Variants in PSMD3 observed in about 807,000 individuals in gnomAD.
PSMD3 encodes proteasome 26S subunit, non-ATPase 3.
In PSMD3, 5 loss-of-function variants were observed where a neutral mutation model predicts 62.8. That is an observed-to-expected ratio of 0.08 (90% CI 0.04 to 0.17). The LOEUF is 0.17. PSMD3 is among the 10% of genes least tolerant of loss of function. The pLI is 1.00. For missense variants in PSMD3, 524 were observed against 713.6 expected (o/e 0.73, Z 3.03); for synonymous variants, 265 against 283.9 (o/e 0.93, Z 0.67).
chr17:39,983,987 C>T (rs1488732293), intron 1 of PSMD3, among the ~76,000 whole-genome samples: 4 of 151,932 alleles, frequency 2.6e-5, no homozygotes, highest in Non-Finnish European at 5.9e-5. Flanking sequence ...ATCACGAGGT[C>T]AGGAGATCGA....
chr17:39,995,952 C>G lies in PSMD3; in HGVS notation c.1321-231C>G, dbSNP rs1980772462. The G allele has an allele frequency of 1.8e-6, 1 of 543,950 alleles. No individual in the cohort carries two copies. Among genetic ancestry groups the G allele is most frequent in the Non-Finnish European group, 3.2e-6 (1 of 308,106 alleles). The allele number at this position is 543,950 out of a possible 1,614,324, so 33.7% of individuals were successfully genotyped here. Reference sequence around the variant, plus strand: ...TGGCCAACTTGGCGAAACCCCATCTCTACTGAAAATACAAAAATTAGCCAG... The same window carrying G: ...TGGCCAACTTGGCGAAACCCCATCTGTACTGAAAATACAAAAATTAGCCAG... On this transcript the variant is annotated intron_variant, in intron 9 of 11. Transcript: ENST00000264639. This position sits in a 1 kb window ranked among gnomAD's most constrained non-coding sequence, Gnocchi z 4.1.
At chr17:39,986,879 C>T (rs1355411523) in intron 3 of PSMD3, among the ~76,000 whole-genome samples, 167 bp downstream of exon 3, 4 of 152,148 alleles carry the variant, frequency 2.6e-5, no homozygotes, top group Admixed American at 2.6e-4. Context: ...CCCAGGAGAA[C>T]CCACTCTTGC....
In PSMD3 at chr17:39,986,694, C is replaced by T. The variant is rs770573802; in HGVS notation, c.531C>T (p.Asn177=). 8 of 1,614,042 alleles carry T rather than the reference C, an allele frequency of 5.0e-6. No homozygotes were observed. Among genetic ancestry groups the T allele is most frequent in the Non-Finnish European group, 5.9e-6 (7 of 1,180,036 alleles). ...TCCTCGTGGTCATCTTCATGATGAA[C>T]AGCAAGCGCTACAAAGAGGTATCCA... The part of the protein sequence containing the change: ...LQLLVVIFMM[N]SKRYKEAQKI... Residue 177 remains asparagine (N), a synonymous_variant, in exon 3 of 12, where the codon AAC becomes AAT. Transcript: ENST00000264639.
chr17:39,991,052 C>T (rs994364204), intron 6 of PSMD3, among the ~76,000 whole-genome samples: 2 of 151,844 alleles, frequency 1.3e-5, no homozygotes, highest in African/African-American at 4.9e-5. Flanking sequence ...GATCTTTTCT[C>T]ACTGCAACCT....
intron 3 of PSMD3, among the ~76,000 whole-genome samples, chr17:39,987,449 T>C (rs1160193671): frequency 1.3e-5 from 2 of 152,206 alleles, no homozygotes; most frequent in Non-Finnish European, 2.9e-5. Flanking sequence ...CCGGCTTAAG[T>C]GATCCTTCCA....
At chr17:39,994,444 TC>T (rs1239829886) in intron 6 of PSMD3, 1 of 166,512 alleles carries the variant, frequency 6.0e-6, no homozygotes, top group East Asian at 1.6e-4. Flanking sequence ...CCCTTCTATG[TC>T]TGGATACTCT....
In PSMD3 at chr17:39,995,155, C is replaced by G. The variant is rs758337354; in HGVS notation, c.1097-21C>G. On this transcript the variant is annotated intron_variant, in intron 7 of 11. Transcript: ENST00000264639. This position sits in a 1 kb window ranked among gnomAD's most constrained non-coding sequence, Gnocchi z 4.1. ...CCTGTGCCTATTTGCATCATCCAAT[C>G]TACTCCTGTTCTGCCTGCAGCTGTC... The G allele has an allele frequency of 6.2e-7, 1 of 1,614,096 alleles. No individual in the cohort carries two copies. Among genetic ancestry groups the G allele is most frequent in the Non-Finnish European group, 8.5e-7 (1 of 1,180,010 alleles).
intron 6 of PSMD3, 61 bp from the exon 7 acceptor site, chr17:39,994,893 C>A: frequency 6.9e-7 from 1 of 1,452,624 alleles, no homozygotes; most frequent in Non-Finnish European, 9.6e-7. Flanking sequence ...GGCCACATTT[C>A]ATTTTCTTCT....
intron 4 of PSMD3, among the ~76,000 whole-genome samples, chr17:39,989,398 A>G (rs1179788787): frequency 6.6e-6 from 1 of 152,100 alleles, no homozygotes; most frequent in Admixed American, 6.5e-5. Context: ...TGGCCAAGCT[A>G]TTGAAAAGTT....
chr17:39,994,720 C>T (rs574311380), intron 6 of PSMD3: 28 of 549,536 alleles, frequency 5.1e-5, no homozygotes, highest in Admixed American at 3.1e-4. Context: ...ATGCAGCTGA[C>T]GGCTCTGCGA....
chr17:39,986,257 G>C (rs1980521624), intron 2 of PSMD3, among the ~76,000 whole-genome samples: 1 of 152,018 alleles, frequency 6.6e-6, no homozygotes, highest in Non-Finnish European at 1.5e-5. Context: ...CACCATGCCT[G>C]GCTAGTTCTT....
chr17:39,997,205 T>A, intron 10 of PSMD3, 125 bp from the exon 11 acceptor site: 1 of 851,510 alleles, frequency 1.2e-6, no homozygotes. Context: ...CTAGACTAAC[T>A]GGAGAGGGGC....
chr17:39,995,610 A>G lies in PSMD3; in HGVS notation c.1320+83A>G. The stretch of plus-strand genomic sequence containing the variant: ...AGGCAGGAGTGGGAGGAGTTTGGCC[A>G]AGGAGGGGAATAGGTAAAGCAATGG... On this transcript the variant is annotated intron_variant, in intron 9 of 11. Coordinates refer to ENST00000264639, the MANE Select transcript of PSMD3 (RefSeq NM_002809.4). This position sits in a 1 kb window ranked among gnomAD's most constrained non-coding sequence, Gnocchi z 4.1. 2 of 1,347,852 alleles carry G rather than the reference A, an allele frequency of 1.5e-6. No individual in the cohort carries two copies. The highest frequency in any genetic ancestry group is 2.1e-6 in the Non-Finnish European group (2 of 945,848). 83.5% of individuals were successfully genotyped at this position (1,347,852 alleles called of 1,614,324 possible). A position where few individuals can be genotyped will look rare whatever the true frequency, so the allele number is the denominator to read the frequency against.
rs769004943 is a variant in PSMD3 at position 39,995,104 on chromosome 17, C to A, written c.1096+36C>A. The A allele has an allele frequency of 1.9e-6, 3 of 1,613,824 alleles. No homozygotes were observed. The highest frequency in any genetic ancestry group is 2.5e-6 in the Non-Finnish European group (3 of 1,179,786). On this transcript the variant is annotated intron_variant, in intron 7 of 11. Coordinates refer to ENST00000264639, the MANE Select transcript of PSMD3 (RefSeq NM_002809.4). This position sits in a 1 kb window ranked among gnomAD's most constrained non-coding sequence, Gnocchi z 4.1. ...CTTCCCCACCCCAGAGCCCACTAGG[C>A]CCCCTTCAGTGGGGCCTCTTACATG... is the stretch of plus-strand genomic sequence containing the variant.
chr17:39,992,448 G>GATTC (rs1042473304), intron 6 of PSMD3, among the ~76,000 whole-genome samples: 76 of 152,302 alleles, frequency 5.0e-4, no homozygotes, highest in African/African-American at 1.8e-3. Flanking sequence ...TGAAGCTGTA[G>GATTC]ATTCCGATTC....
intron 6 of PSMD3, chr17:39,994,378 C>A (rs189498376): frequency 3.9e-4 from 61 of 154,688 alleles, no homozygotes; most frequent in Non-Finnish European, 6.8e-4. Flanking sequence ...ACGGTCAGCA[C>A]CACTCGGAAA....
chr17:39,990,767 G>A (rs1010273030), intron 6 of PSMD3, among the ~76,000 whole-genome samples: 2 of 152,124 alleles, frequency 1.3e-5, no homozygotes, highest in African/African-American at 4.8e-5. Context: ...ACAAACCCCA[G>A]GTTTTTATCT....
At chr17:39,986,132 G>A (rs1004706361) in intron 2 of PSMD3, among the ~76,000 whole-genome samples, 1 of 152,178 alleles carries the variant, frequency 6.6e-6, no homozygotes, top group Non-Finnish European at 1.5e-5. Context: ...GTCTTGCTCT[G>A]TCACCCAGGC....
intron 2 of PSMD3, 58 bp downstream of exon 2, chr17:39,984,542 G>A: frequency 6.8e-7 from 1 of 1,469,276 alleles, no homozygotes; most frequent in Non-Finnish European, 9.3e-7. Context: ...CCCAGGAACA[G>A]CATTGTTTTC....
Sources: gnomAD v4.1 joint callset for allele counts (sites outside exome capture counted in the v4.1 genomes callset) on GRCh38, gnomAD v4.1.1 for gene constraint, Gnocchi (gnomAD v3.1) non-coding constraint, MANE v1.5 for transcripts, NCBI Gene and HGNC (gene_info 2026-07-23, HGNC 2026-07-21) for gene names.